Variants in PAK1 observed in about 807,000 individuals in gnomAD.
PAK1 encodes the protein p21 (RAC1) activated kinase 1.
PAK1 carries 29 observed loss-of-function variants against 67.4 expected under a neutral mutation model. The ratio of observed to expected loss-of-function variants is 0.43; its 90% CI spans 0.32 to 0.59. PAK1 has a LOEUF of 0.59. PAK1 is among the 20% of genes least tolerant of loss of function. The pLI is 0.07. For synonymous variants in PAK1, 223 were observed against 237.4 expected (o/e 0.94, Z 0.56); for missense variants, 337 against 670.7 (o/e 0.50, Z 5.50).
intron 7 of PAK1, among the ~76,000 whole-genome samples, chr11:77,354,597 T>C (rs1322631247): frequency 6.6e-6 from 1 of 152,174 alleles, no homozygotes; most frequent in Non-Finnish European, 1.5e-5. Context: ...AACTCTGGTT[T>C]AGAGAACAAG....
At chr11:77,405,674 G>C (rs1783484) in intron 1 of PAK1, among the ~76,000 whole-genome samples, 14,553 of 125,912 alleles carry the variant, frequency 0.12, 1,802 homozygotes, top group African/African-American at 0.29. Context: ...CAGACAGACA[G>C]ACACACACAC....
rs1351864017 is a variant in PAK1 at position 77,336,033 on chromosome 11, T to C, written c.1413+53A>G. 4 of 1,164,560 alleles carry C rather than the reference T, an allele frequency of 3.4e-6. No individual in the cohort carries two copies. In the African/African-American group the frequency reaches 6.1e-5, roughly 18 times the overall value. 72.1% of individuals were successfully genotyped at this position (1,164,560 alleles called of 1,614,324 possible). A position where few individuals can be genotyped will look rare whatever the true frequency, so the allele number is the denominator to read the frequency against. On this transcript the variant is annotated intron_variant, in intron 13 of 14. Transcript: ENST00000356341. ...GAGAACACCCTGGATTCTTATTTCC[T>C]GGGACTAGAGACAACAGCCCAAATA...
chr11:77,522,632 T>C, the PAK1 span, among the ~76,000 whole-genome samples: 1 of 152,202 alleles, frequency 6.6e-6, no homozygotes, highest in Non-Finnish European at 1.5e-5. Context: ...GGAATGTAAA[T>C]TTATTCAGCC....
rs116214640 is a variant in PAK1, at chr11:77,471,892, T to C, written c.-22+1660A>G. ...AAGCTTTTTACCAAATGCCCTGTTATGGATGAGGCAGGTCACCTTCCCTGC... is the reference window on the plus strand; with the variant it reads ...AAGCTTTTTACCAAATGCCCTGTTACGGATGAGGCAGGTCACCTTCCCTGC... On this transcript the variant is annotated intron_variant, in intron 1 of 14. Coordinates refer to ENST00000356341, the MANE Select transcript of PAK1 (RefSeq NM_002576.5). Among the ~76,000 whole-genome samples, 803 of 152,304 alleles carry C rather than the reference T, an allele frequency of 5.3e-3. 9 individuals are homozygous for C. Among genetic ancestry groups the C allele is most frequent in the African/African-American group, 0.018 (752 of 41,554 alleles).
At chr11:77,499,138 A>AG in the PAK1 span, among the ~76,000 whole-genome samples, 1 of 151,606 alleles carries the variant, frequency 6.6e-6, no homozygotes, top group Non-Finnish European at 1.5e-5. Context: ...TCACTACTAA[A>AG]AAAAAAAAAA....
chr11:77,510,166 C>G, the PAK1 span, among the ~76,000 whole-genome samples: 1 of 152,148 alleles, frequency 6.6e-6, no homozygotes, highest in Non-Finnish European at 1.5e-5. Flanking sequence ...TCACCAGTAG[C>G]ATTTTTGTCC....
chr11:77,496,930 A>AAAAAAT, the PAK1 span, among the ~76,000 whole-genome samples: 1 of 152,158 alleles, frequency 6.6e-6, no homozygotes, highest in Non-Finnish European at 1.5e-5. Flanking sequence ...ATGTCTCCAA[A>AAAAAAT]AAAAATAAAA....
rs953781871 is a variant in PAK1 at position 77,344,079 on chromosome 11, C to T, written c.886-148G>A. The T allele has an allele frequency of 1.7e-4, 102 of 591,880 alleles. No homozygotes were observed. In the East Asian group the frequency reaches 2.9e-3, roughly 17 times the overall value. 36.7% of individuals were successfully genotyped at this position (591,880 alleles called of 1,614,324 possible). ...GTAATTCACAGTTTGTCTATGTAGA[C>T]CAGTGGTCTTCAAAGTGAGGTCTCA... On this transcript the variant is annotated intron_variant, in intron 9 of 14. Transcript: ENST00000356341.
chr11:77,524,709 T>C, the PAK1 span, among the ~76,000 whole-genome samples: 2 of 152,150 alleles, frequency 1.3e-5, no homozygotes, highest in African/African-American at 2.4e-5. Flanking sequence ...TGGGTGCTTG[T>C]TGAAAGAATG....
intron 2 of PAK1, among the ~76,000 whole-genome samples, chr11:77,384,111 G>A (rs990094078): frequency 1.3e-5 from 2 of 152,168 alleles, no homozygotes; most frequent in East Asian, 3.8e-4. Context: ...TAGCCAGACC[G>A]AGATGGGAAA....
Position 77,473,675 on chromosome 11 carries a change from C to G in PAK1, c.-145G>C, listed in dbSNP as rs1241133280. 6.6e-6 allele frequency: 1 copy of G among 152,402 alleles called. No individual in the cohort carries two copies. Among genetic ancestry groups the G allele is most frequent in the Non-Finnish European group, 1.5e-5 (1 of 68,416 alleles). The allele number at this position is 152,402 out of a possible 1,614,324, so 9.4% of individuals were successfully genotyped here. The stretch of plus-strand genomic sequence containing the variant: ...CTTCACTTTCTCCCTCCTGCCGCCG[C>G]CGCCGCGCTGCCCGTGGCGGGGCTC... On this transcript the variant is annotated 5_prime_UTR_variant, in exon 1 of 15. Coordinates refer to ENST00000356341, the MANE Select transcript of PAK1 (RefSeq NM_002576.5).
At position 77,323,120 on chromosome 11, in the gene PAK1, C is replaced by A; in HGVS notation, c.*154G>T. The A allele has an allele frequency of 1.4e-6, 2 of 1,412,136 alleles. No individual in the cohort carries two copies. The highest frequency in any genetic ancestry group is 9.7e-7 in the Non-Finnish European group (1 of 1,025,732). The allele number at this position is 1,412,136 out of a possible 1,614,324, so 87.5% of individuals were successfully genotyped here. ...AGTTGCAGTTCTCTTCAATGCTGGACACACGGTTTCCAAGGATCAAAGTCT... is the reference window on the plus strand; with the variant it reads ...AGTTGCAGTTCTCTTCAATGCTGGAAACACGGTTTCCAAGGATCAAAGTCT... On this transcript the variant is annotated 3_prime_UTR_variant, in exon 15 of 15. Coordinates refer to ENST00000356341, the MANE Select transcript of PAK1 (RefSeq NM_002576.5).
intron 14 of PAK1, among the ~76,000 whole-genome samples, chr11:77,328,945 A>G (rs1411753431): frequency 6.6e-6 from 1 of 152,226 alleles, no homozygotes; most frequent in Non-Finnish European, 1.5e-5. Flanking sequence ...AAAATGATAA[A>G]GGGGAGATCA....
chr11:77,462,284 T>C (rs1338261945), intron 1 of PAK1, among the ~76,000 whole-genome samples: 9 of 151,138 alleles, frequency 6.0e-5, no homozygotes, highest in East Asian at 2.0e-4. Context: ...TGAGCCGAGA[T>C]TGCTCCACTG....
intron 1 of PAK1, among the ~76,000 whole-genome samples, chr11:77,432,563 C>G (rs1257297557): frequency 6.6e-6 from 1 of 152,144 alleles, no homozygotes; most frequent in South Asian, 2.1e-4. Context: ...GAGGCTGAGG[C>G]TGGAGGAATG....
chr11:77,457,345 G>A (rs535851565), intron 1 of PAK1, among the ~76,000 whole-genome samples: 1 of 152,286 alleles, frequency 6.6e-6, no homozygotes, highest in Admixed American at 6.5e-5. Context: ...CTAAGGTCGT[G>A]TTCAACTTCT....
At chr11:77,472,853 G>A (rs956181052) in intron 1 of PAK1, among the ~76,000 whole-genome samples, 3 of 350 alleles carry the variant, frequency 8.6e-3, no homozygotes, top group African/African-American at 0.024. Flanking sequence ...TGCTCACAAC[G>A]CCACACCCAC....
chr11:77,354,275 A>G (rs192792494), intron 7 of PAK1, among the ~76,000 whole-genome samples: 10 of 152,300 alleles, frequency 6.6e-5, no homozygotes, highest in Admixed American at 2.6e-4. Flanking sequence ...GTCACACAGC[A>G]AATTGGTGTC....
chr11:77,479,981 T>G, the PAK1 span, among the ~76,000 whole-genome samples: 1 of 152,170 alleles, frequency 6.6e-6, no homozygotes, highest in African/African-American at 2.4e-5. Flanking sequence ...CCTCCAGAAT[T>G]TCTATCAGGA....
Sources: gnomAD v4.1 joint callset for allele counts (sites outside exome capture counted in the v4.1 genomes callset) on GRCh38, gnomAD v4.1.1 for gene constraint, MANE v1.5 for transcripts, NCBI Gene and HGNC (gene_info 2026-07-23, HGNC 2026-07-21) for gene names.